Variants in SGCZ observed in about 807,000 individuals in gnomAD.
The protein encoded by SGCZ is sarcoglycan zeta, also known as zeta-sarcoglycan.
In SGCZ, 40 loss-of-function variants were observed where a neutral mutation model predicts 41.3. The ratio of observed to expected loss-of-function variants is 0.97; its 90% CI spans 0.75 to 1.26. The LOEUF (loss-of-function observed/expected upper bound fraction) is 1.26. SGCZ is among the 50% of genes most tolerant of loss of function. The probability of loss-of-function intolerance (pLI) is 0.00; values close to 1 mark genes in which losing one functional copy is unlikely to be tolerated. For missense variants in SGCZ, 552 were observed against 369.8 expected (o/e 1.49, Z -4.04); for synonymous variants, 206 against 137.5 (o/e 1.50, Z -3.49).
chr8:14,308,702 C>T (rs1365276410), intron 3 of SGCZ, among the ~76,000 whole-genome samples: 2 of 151,744 alleles, frequency 1.3e-5, no homozygotes, highest in Non-Finnish European at 2.9e-5. Context: ...ATGAAGATAC[C>T]GTGTGTTTCA....
At chr8:15,202,080 G>T (rs1185394331) in intron 1 of SGCZ, among the ~76,000 whole-genome samples, 1 of 152,142 alleles carries the variant, frequency 6.6e-6, no homozygotes, top group Non-Finnish European at 1.5e-5. Context: ...CAGAAAAACA[G>T]TATTCCAATA....
At chr8:14,923,659 T>C (rs932788922) in intron 1 of SGCZ, among the ~76,000 whole-genome samples, 2 of 152,210 alleles carry the variant, frequency 1.3e-5, no homozygotes, top group Non-Finnish European at 1.5e-5. Flanking sequence ...ATTGGAAACA[T>C]AAAGTTGCAT....
Position 15,062,709 on chromosome 8 carries a change from A to T in SGCZ, c.39+174876T>A, listed in dbSNP as rs145050374. Among the ~76,000 whole-genome samples, 13 of 152,314 alleles carry T rather than the reference A, an allele frequency of 8.5e-5. No individual in the cohort carries two copies. The East Asian group carries it at 2.3e-3, about 27-fold the overall frequency. ...GATAAAGCAGTTATTTTGAGAATAA[A>T]TTGAAAAATACATACTTTGTTTTAT... On this transcript the variant is annotated intron_variant, in intron 1 of 7. Coordinates refer to ENST00000382080, the MANE Select transcript of SGCZ (RefSeq NM_139167.4).
intron 2 of SGCZ, among the ~76,000 whole-genome samples, chr8:14,552,029 T>C (rs973926816): frequency 1.3e-5 from 2 of 151,970 alleles, no homozygotes; most frequent in Non-Finnish European, 2.9e-5. Context: ...ACAATAGTTA[T>C]AATGAAAGTG....
chr8:15,005,325 T>G (rs796105409), intron 1 of SGCZ, among the ~76,000 whole-genome samples: 3 of 23,390 alleles, frequency 1.3e-4, no homozygotes, highest in Non-Finnish European at 3.1e-4. Context: ...TTTTTTTCTT[T>G]TTCTTTTTTT....
intron 1 of SGCZ, among the ~76,000 whole-genome samples, chr8:14,653,485 T>C (rs1303989636): frequency 3.3e-5 from 5 of 152,194 alleles, no homozygotes; most frequent in African/African-American, 1.2e-4. Flanking sequence ...ACACACCAAG[T>C]CTCACTATTA....
Position 14,112,033 on chromosome 8 carries a change from T to C in SGCZ, c.548-3798A>G, listed in dbSNP as rs143317576. ...CTCATTATTCACCGATTGACATCCATGTATTTTTTACAGAAGTCACTGGTC... is the reference window on the plus strand; with the variant it reads ...CTCATTATTCACCGATTGACATCCACGTATTTTTTACAGAAGTCACTGGTC... On this transcript the variant is annotated intron_variant, in intron 5 of 7. Transcript: ENST00000382080. 4.9e-4 allele frequency among the ~76,000 whole-genome samples: 74 copies of C among 152,254 alleles called. No homozygotes were observed. The East Asian group carries it at 5.0e-3, about 10-fold the overall frequency.
intron 4 of SGCZ, among the ~76,000 whole-genome samples, chr8:14,198,469 T>A (rs1805348742): frequency 6.6e-6 from 1 of 152,112 alleles, no homozygotes; most frequent in Non-Finnish European, 1.5e-5. Flanking sequence ...AGCCAAGGGT[T>A]GTAAAACTAC....
At chr8:14,109,912 G>T (rs1358419861) in intron 5 of SGCZ, among the ~76,000 whole-genome samples, 1 of 151,944 alleles carries the variant, frequency 6.6e-6, no homozygotes, top group Non-Finnish European at 1.5e-5. Flanking sequence ...AAAGCTATTG[G>T]CATTTGTTGA....
intron 3 of SGCZ, among the ~76,000 whole-genome samples, chr8:14,263,242 T>C (rs777133619): frequency 4.1e-4 from 63 of 152,174 alleles, no homozygotes; most frequent in Non-Finnish European, 2.6e-4. Flanking sequence ...CACAGTAATA[T>C]GTTTTAAGTC....
At chr8:14,327,577 G>A (rs1267863215) in intron 2 of SGCZ, among the ~76,000 whole-genome samples, 2 of 152,152 alleles carry the variant, frequency 1.3e-5, no homozygotes, top group Non-Finnish European at 2.9e-5. Flanking sequence ...ATGTTCTGAT[G>A]AGATGGCTGG....
chr8:14,313,301 G>A lies in SGCZ; in HGVS notation c.336+10802C>T, dbSNP rs144383103. On this transcript the variant is annotated intron_variant, in intron 3 of 7. Transcript: ENST00000382080. ...TACATAATTTTGTCTGCTACCCCAG[G>A]GCTGATTTTTTAAATTAATTAATTT... 7.7e-3 allele frequency among the ~76,000 whole-genome samples: 1,169 copies of A among 152,068 alleles called. 11 individuals carry two copies. Among genetic ancestry groups the A allele is most frequent in the African/African-American group, 0.026 (1,084 of 41,482 alleles).
chr8:14,485,880 GCCGGA>G, intron 2 of SGCZ, among the ~76,000 whole-genome samples: 1 of 128,914 alleles, frequency 7.8e-6, no homozygotes, highest in Admixed American at 1.0e-4. Context: ...TGTCGCCCAG[GCCGGA>G]CTGCGGACTG....
chr8:14,943,854 G>C (rs1045788817), intron 1 of SGCZ, among the ~76,000 whole-genome samples: 2 of 152,072 alleles, frequency 1.3e-5, no homozygotes, highest in African/African-American at 4.8e-5. Context: ...TCCTGTATTA[G>C]TTTCCTTAGG....
chr8:14,501,558 G>C (rs1456092141), intron 2 of SGCZ, among the ~76,000 whole-genome samples: 1 of 150,254 alleles, frequency 6.7e-6, no homozygotes, highest in East Asian at 2.0e-4. Flanking sequence ...TTGTAAACTT[G>C]ACTGCTTTTC....
intron 4 of SGCZ, among the ~76,000 whole-genome samples, chr8:14,216,310 C>CT (rs901712822): frequency 6.6e-6 from 1 of 152,142 alleles, no homozygotes; most frequent in Non-Finnish European, 1.5e-5. Context: ...TTTTCCTATA[C>CT]TTTCTCCTAC....
At chr8:14,262,270 C>T (rs779337157) in intron 3 of SGCZ, among the ~76,000 whole-genome samples, 8 of 152,222 alleles carry the variant, frequency 5.3e-5, no homozygotes, top group Admixed American at 1.3e-4. Context: ...AAAAGTGATA[C>T]ACGTTTTAAT....
At chr8:14,436,113 A>G (rs1381485944) in intron 2 of SGCZ, among the ~76,000 whole-genome samples, 1 of 152,180 alleles carries the variant, frequency 6.6e-6, no homozygotes, top group Non-Finnish European at 1.5e-5. Flanking sequence ...ACTTCTGTCT[A>G]GCAGGAAGGG....
intron 1 of SGCZ, among the ~76,000 whole-genome samples, chr8:14,768,123 G>C (rs117216277): frequency 1.1e-4 from 17 of 152,154 alleles, no homozygotes; most frequent in African/African-American, 3.9e-4. Context: ...AAAAGAATAT[G>C]CAGAGAAAGA....
Sources: allele counts gnomAD v4.1 joint callset (sites outside exome capture counted in the v4.1 genomes callset), GRCh38; gene constraint gnomAD v4.1.1; transcripts MANE v1.5; gene names NCBI Gene and HGNC (gene_info 2026-07-23, HGNC 2026-07-21).